Variants in MYPN observed in about 807,000 individuals in gnomAD.
The protein encoded by MYPN is sarcomeric protein myopalladin, 145 kDa (MYOP).
A neutral mutation model predicts 129.4 loss-of-function variants in MYPN; 63 were observed. The observed-to-expected ratio is 0.49, with a 90% CI of 0.40 to 0.60. The LOEUF (loss-of-function observed/expected upper bound fraction) is 0.60, where lower values mean the gene tolerates loss of function less well. MYPN is among the 20% of genes least tolerant of loss of function. The pLI is 0.00. For missense variants in MYPN, 1,596 were observed against 1,635.4 expected (o/e 0.98, Z 0.42); for synonymous variants, 629 against 600.9 (o/e 1.05, Z -0.68).
intron 18 of MYPN, among the ~76,000 whole-genome samples, chr10:68,204,346 A>G (rs956975656): frequency 8.5e-5 from 13 of 152,214 alleles, no homozygotes; most frequent in Admixed American, 7.2e-4. Context: ...AACTACAGCA[A>G]TAGCACCCTA....
At chr10:68,153,227 C>T (rs565623881) in intron 6 of MYPN, among the ~76,000 whole-genome samples, 4 of 152,186 alleles carry the variant, frequency 2.6e-5, no homozygotes, top group South Asian at 2.1e-4. Flanking sequence ...TCAGGTAATC[C>T]GCCCACCTCA....
At chr10:68,197,686 A>G (rs2043634406) in intron 16 of MYPN, among the ~76,000 whole-genome samples, 1 of 151,964 alleles carries the variant, frequency 6.6e-6, no homozygotes, top group Non-Finnish European at 1.5e-5. Context: ...GAATCTCTAT[A>G]TATTAATAAA....
chr10:68,194,276 G>T (rs1313881944), intron 13 of MYPN, 87 bp from the exon 14 acceptor site: 1 of 1,407,982 alleles, frequency 7.1e-7, no homozygotes, highest in Non-Finnish European at 9.9e-7. Flanking sequence ...AAAGATGGCA[G>T]TTGGCCCTTT....
chr10:68,156,370 A>G (rs748598895), intron 6 of MYPN, among the ~76,000 whole-genome samples: 1 of 152,228 alleles, frequency 6.6e-6, no homozygotes, highest in Non-Finnish European at 1.5e-5. Flanking sequence ...GGGAGCACCC[A>G]AAATTCACTG....
chr10:68,170,871 G>A lies in MYPN; in HGVS notation c.1974-3195G>A, dbSNP rs112407950. On this transcript the variant is annotated intron_variant, in intron 10 of 19. Coordinates refer to ENST00000358913, the MANE Select transcript of MYPN (RefSeq NM_032578.4). ...TAGAGTTAGAGAAATAACCCCGGCC[G>A]GGCATGGTGGCTCAAGCCTGTAATC... Among the ~76,000 whole-genome samples, 1,335 of 152,214 alleles carry A rather than the reference G, an allele frequency of 8.8e-3. 16 individuals are homozygous for A. The highest frequency in any genetic ancestry group is 0.03 in the African/African-American group (1,257 of 41,516).
chr10:68,175,331 A>G lies in MYPN; in HGVS notation c.2573A>G (p.Gln858Arg), dbSNP rs2134204422. ...LPRSAPSMPS[Q>R]GLAKKNTKSP... is the part of the protein sequence containing the mutation. ...GTGGATTTATCTTACAGGCCATCCC[A>G]GGGATTAGCGAAGAAAAATACAAAG... Residue 858 changes from glutamine (Q) to arginine (R), a missense_variant, in exon 12 of 20, where the codon CAG becomes CGG. Gln to Arg is a conservative substitution (Grantham distance 43, BLOSUM62 1). Coordinates refer to ENST00000358913, the MANE Select transcript of MYPN (RefSeq NM_032578.4). 1.9e-6 allele frequency: 3 copies of G among 1,613,976 alleles called. No homozygotes were observed. The highest frequency in any genetic ancestry group is 2.5e-6 in the Non-Finnish European group (3 of 1,179,944).
In MYPN at chr10:68,182,410, TATATAAC is replaced by T. The variant is rs372902271; in HGVS notation, c.2704-6489_2704-6483del. On this transcript the variant is annotated intron_variant, in intron 12 of 19. Coordinates refer to ENST00000358913, the MANE Select transcript of MYPN (RefSeq NM_032578.4). ...ATATATAACATATATATAACACATATATATAACATATATATAACACATATATATAACA... is the reference window on the plus strand; with the variant it reads ...ATATATAACATATATATAACACATATATATATATAACACATATATATAACA... Among the ~76,000 whole-genome samples, 563 of 63,978 alleles carry T rather than the reference TATATAAC, an allele frequency of 8.8e-3. 21 individuals are homozygous for T. The highest frequency in any genetic ancestry group is 0.02 in the Non-Finnish European group (462 of 23,180). 42.0% of individuals were successfully genotyped at this position (63,978 alleles called of 152,430 possible).
rs905809073 is a variant in MYPN at position 68,211,336 on chromosome 10, G to T, written c.*881G>T. 6.6e-6 allele frequency: 3 copies of T among 453,726 alleles called. No homozygotes were observed. Among genetic ancestry groups the T allele is most frequent in the Admixed American group, 2.4e-5 (1 of 42,506 alleles). The allele number at this position is 453,726 out of a possible 1,614,324, so 28.1% of individuals were successfully genotyped here. ...TTTGCCCATAAAATACACCTCATGG[G>T]CTCCTACCCCTTTCCCCAAAAGTCT... On this transcript the variant is annotated 3_prime_UTR_variant, in exon 20 of 20. Transcript: ENST00000358913.
intron 10 of MYPN, among the ~76,000 whole-genome samples, chr10:68,167,226 G>C (rs1178534902): frequency 6.6e-6 from 1 of 152,168 alleles, no homozygotes; most frequent in Non-Finnish European, 1.5e-5. Context: ...TCTGACATCA[G>C]AGTCCCCAGG....
At chr10:68,101,348 T>C (rs543186362), upstream of MYPN, among the ~76,000 whole-genome samples, 47 of 152,364 alleles carry the variant, frequency 3.1e-4, no homozygotes, top group Non-Finnish European at 5.6e-4. Context: ...TAAGTAATTG[T>C]GTAGAAGAGT....
intron 2 of MYPN, among the ~76,000 whole-genome samples, chr10:68,133,067 C>A (rs894723173): frequency 5.4e-5 from 8 of 147,436 alleles, no homozygotes; most frequent in African/African-American, 1.8e-4. Context: ...GCTCTGTCAC[C>A]CAGGCTGGAG....
intron 8 of MYPN, chr10:68,162,307 T>C (rs2042991112): frequency 6.6e-6 from 1 of 152,242 alleles, no homozygotes; most frequent in South Asian, 2.1e-4. Flanking sequence ...TGAGAAGTGT[T>C]TCTTAGGAAT....
intron 10 of MYPN, among the ~76,000 whole-genome samples, chr10:68,169,059 T>C (rs999929045): frequency 1.4e-5 from 2 of 145,716 alleles, no homozygotes; most frequent in Admixed American, 6.9e-5. Flanking sequence ...TAGAAGTGAC[T>C]TTCCGGCCAG....
intron 1 of MYPN, among the ~76,000 whole-genome samples, chr10:68,097,660 T>C (rs2133941300): frequency 6.6e-6 from 1 of 152,260 alleles, no homozygotes; most frequent in Admixed American, 6.5e-5. Context: ...ACTTGCCTAA[T>C]GTTTCTCACA....
intron 1 of MYPN, among the ~76,000 whole-genome samples, chr10:68,112,552 G>A (rs948209285): frequency 2.0e-5 from 3 of 152,052 alleles, no homozygotes; most frequent in African/African-American, 7.2e-5. Context: ...TCCCTAAACG[G>A]ATTCTCATTA....
At chr10:68,203,708 C>CAT (rs138452463) in intron 18 of MYPN, among the ~76,000 whole-genome samples, 34,648 of 103,420 alleles carry the variant, frequency 0.34, 4,699 homozygotes, top group East Asian at 0.69. Context: ...CACACACACA[C>CAT]ACATACACAC....
intron 10 of MYPN, 127 bp from the exon 11 acceptor site, chr10:68,173,939 T>A: frequency 1.2e-6 from 1 of 811,458 alleles, no homozygotes. Context: ...AGTGCTGGGA[T>A]TACAGGCATG....
chr10:68,168,536 G>A (rs2043089088), intron 10 of MYPN, among the ~76,000 whole-genome samples: 3 of 152,126 alleles, frequency 2.0e-5, no homozygotes, highest in East Asian at 1.9e-4. Context: ...GTCAGGTTGC[G>A]GTTTGGTTTT....
chr10:68,111,825 T>C (rs942456328), intron 1 of MYPN, among the ~76,000 whole-genome samples: 8 of 152,190 alleles, frequency 5.3e-5, no homozygotes, highest in Admixed American at 1.3e-4. Context: ...AGGGGCCCAA[T>C]AGAGCCTCCC....
Sources: gnomAD v4.1 joint callset for allele counts (sites outside exome capture counted in the v4.1 genomes callset) on GRCh38, gnomAD v4.1.1 for gene constraint, MANE v1.5 for transcripts, NCBI Gene and HGNC (gene_info 2026-07-23, HGNC 2026-07-21) for gene names.